VPS53: variants seen among roughly 807,000 people sequenced by gnomAD.
VPS53 encodes the protein VPS53 subunit of GARP complex.
Under a neutral mutation model 107.0 loss-of-function variants are expected in VPS53, and 70 were observed. The ratio of observed to expected loss-of-function variants is 0.65; its 90% confidence interval spans 0.54 to 0.80. The LOEUF (loss-of-function observed/expected upper bound fraction) is 0.80. VPS53 is among the 30% of genes least tolerant of loss of function. The pLI is 0.00. For synonymous variants in VPS53, 409 were observed against 393.3 expected, an observed-to-expected ratio of 1.04 and a Z score of -0.47; for missense variants, 917 against 1,049.4, an observed-to-expected ratio of 0.87 and a Z score of 1.74.
intron 14 of VPS53, 79 bp downstream of exon 14, chr17:562,424 A>G: frequency 6.3e-7 from 1 of 1,578,896 alleles, no homozygotes; most frequent in Non-Finnish European, 8.6e-7. Context: ...TTTAGTAAAC[A>G]ACTTCAGAGT....
intron 2 of VPS53, among the ~76,000 whole-genome samples, chr17:709,357 C>T (rs1973550838): frequency 6.6e-6 from 1 of 152,230 alleles, no homozygotes; most frequent in South Asian, 2.1e-4. Context: ...GTCATGTTTA[C>T]ATTTCTCCCT....
At chr17:606,121 G>A (rs1487290717) in intron 11 of VPS53, among the ~76,000 whole-genome samples, 7 of 152,122 alleles carry the variant, frequency 4.6e-5, no homozygotes, top group Admixed American at 2.0e-4. Context: ...AGAAAAAAGT[G>A]TCCATCGGAT....
chr17:666,269 C>T (rs1438574245), intron 4 of VPS53, among the ~76,000 whole-genome samples: 1 of 152,126 alleles, frequency 6.6e-6, no homozygotes, highest in Non-Finnish European at 1.5e-5. Context: ...AGAAAAACCA[C>T]CAGTGACATG....
chr17:532,527 T>C, intron 19 of VPS53: 1 of 341,918 alleles, frequency 2.9e-6, no homozygotes, highest in Non-Finnish European at 4.8e-6. Context: ...CCCGAAATGC[T>C]GGGGTTACAG....
At chr17:609,906 G>C (rs1203296988) in intron 11 of VPS53, among the ~76,000 whole-genome samples, 1 of 152,020 alleles carries the variant, frequency 6.6e-6, no homozygotes, top group Middle Eastern at 3.2e-3. Flanking sequence ...GAGGTGGGCG[G>C]ATCACGAGGT....
intron 17 of VPS53, chr17:538,878 C>T (rs1473515256): frequency 6.6e-6 from 1 of 152,120 alleles, no homozygotes; most frequent in Admixed American, 6.6e-5. Context: ...AAATGTTTTC[C>T]TCATTATCTT....
intron 16 of VPS53, 73 bp downstream of exon 16, chr17:553,307 G>T: frequency 1.4e-6 from 2 of 1,433,902 alleles, no homozygotes; most frequent in Non-Finnish European, 2.0e-6. Context: ...CGTGTGCAGG[G>T]TACATACGTG....
At chr17:577,621 A>G (rs966429685) in intron 13 of VPS53, among the ~76,000 whole-genome samples, 4 of 150,394 alleles carry the variant, frequency 2.7e-5, no homozygotes, top group African/African-American at 9.8e-5. Flanking sequence ...TAGGACCTCA[A>G]TGCGTTCCCA....
intron 7 of VPS53, among the ~76,000 whole-genome samples, chr17:633,428 A>T (rs1970044844): frequency 6.6e-6 from 1 of 152,188 alleles, no homozygotes; most frequent in Admixed American, 6.5e-5. Flanking sequence ...GTTCCTTCAG[A>T]ATTAACTTTA....
chr17:650,480 C>G (rs1391660880), intron 7 of VPS53, among the ~76,000 whole-genome samples: 2 of 149,894 alleles, frequency 1.3e-5, no homozygotes, highest in African/African-American at 4.9e-5. Context: ...CTGGGCAACA[C>G]AGCAAGACTC....
chr17:532,158 G>A (rs1282415519), intron 19 of VPS53: 2 of 152,108 alleles, frequency 1.3e-5, no homozygotes, highest in African/African-American at 4.8e-5. Context: ...ATGTTAGCCA[G>A]GCTGGTCTCG....
chr17:608,431 C>T (rs1310433768), intron 11 of VPS53, among the ~76,000 whole-genome samples: 3 of 152,128 alleles, frequency 2.0e-5, no homozygotes, highest in African/African-American at 7.2e-5. Flanking sequence ...AACAAAAAGC[C>T]TGCGTATATG....
intron 13 of VPS53, among the ~76,000 whole-genome samples, chr17:570,709 TAAAC>T (rs1320510882): frequency 1.3e-5 from 2 of 152,004 alleles, no homozygotes; most frequent in East Asian, 3.9e-4. Flanking sequence ...TTCAAACAAA[TAAAC>T]TAACAACCTG....
At position 552,666 on chromosome 17, in the gene VPS53, T is replaced by C. The variant is rs1039234011; in HGVS notation, c.1787+714A>G. On this transcript the variant is annotated intron_variant, in intron 16 of 21. Transcript: ENST00000437048. ...GGTTTAGGTGGGGGCAGATCAGCAA[T>C]GGCCAAGGGAGAATGTCTTCTCTGT... is the stretch of plus-strand genomic sequence containing the variant. 13 of 159,388 alleles carry C rather than the reference T, an allele frequency of 8.2e-5. No individual in the cohort carries two copies. The South Asian group carries it at 1.1e-3, about 14-fold the overall frequency. The allele number at this position is 159,388 out of a possible 1,614,324, so 9.9% of individuals were successfully genotyped here. A position where few individuals can be genotyped will look rare whatever the true frequency, so the allele number is the denominator to read the frequency against.
chr17:551,809 C>T lies in VPS53; in HGVS notation c.1866+63G>A. ...AGCCTGGAGAAGCTACAGACAAGGGCCAGTAGAAGCCACCTTGGGCTGCTC... is the reference window on the plus strand; with the variant it reads ...AGCCTGGAGAAGCTACAGACAAGGGTCAGTAGAAGCCACCTTGGGCTGCTC... On this transcript the variant is annotated intron_variant, in intron 17 of 21. Coordinates refer to ENST00000437048, the MANE Select transcript of VPS53 (RefSeq NM_001128159.3). The T allele has an allele frequency of 2.1e-6, 3 of 1,412,392 alleles. No homozygotes were observed. The South Asian group carries it at 4.0e-5, about 19-fold the overall frequency. 87.5% of individuals were successfully genotyped at this position (1,412,392 alleles called of 1,614,324 possible).
intron 11 of VPS53, among the ~76,000 whole-genome samples, chr17:608,499 G>GATATATATACTGTAT (rs1968687303): frequency 6.6e-6 from 1 of 152,074 alleles, no homozygotes; most frequent in Non-Finnish European, 1.5e-5. Flanking sequence ...AAACAGTGTG[G>GATATATATACTGTAT]ATACCTCCAG....
chr17:529,777 C>T (rs1022736070), intron 19 of VPS53, among the ~76,000 whole-genome samples: 1 of 151,836 alleles, frequency 6.6e-6, no homozygotes, highest in Non-Finnish European at 1.5e-5. Flanking sequence ...GGAGCCATGG[C>T]TCACGCCTGT....
At chr17:545,896 C>T (rs1262013780) in intron 17 of VPS53, among the ~76,000 whole-genome samples, 11 of 152,120 alleles carry the variant, frequency 7.2e-5, no homozygotes, top group Non-Finnish European at 1.6e-4. Flanking sequence ...CCTAGAAGAG[C>T]CAAAACAGTG....
chr17:617,227 C>T (rs1181521638), intron 11 of VPS53, among the ~76,000 whole-genome samples: 2 of 152,176 alleles, frequency 1.3e-5, no homozygotes, highest in African/African-American at 4.8e-5. Flanking sequence ...CCGGGCAGAT[C>T]TCCGTAGGGC....
Sources: gnomAD v4.1 joint callset for allele counts (sites outside exome capture counted in the v4.1 genomes callset) on GRCh38, gnomAD v4.1.1 for gene constraint, MANE v1.5 for transcripts, NCBI Gene and HGNC (gene_info 2026-07-23, HGNC 2026-07-21) for gene names.